FRMD4B: variants seen among roughly 807,000 people sequenced by gnomAD.
FRMD4B encodes the protein FERM domain-containing protein 4B.
FRMD4B carries 74 observed loss-of-function variants against 141.5 expected under a neutral mutation model. That is an observed-to-expected ratio of 0.52 (90% CI 0.43 to 0.63). The LOEUF is 0.63. FRMD4B is among the 30% of genes least tolerant of loss of function. The pLI is 0.00. For synonymous variants in FRMD4B, 506 were observed against 467.9 expected (o/e 1.08, Z -1.05); for missense variants, 1,366 against 1,253.4 (o/e 1.09, Z -1.36).
chr3:69,236,833 T>C (rs1163676004), intron 7 of FRMD4B, among the ~76,000 whole-genome samples: 1 of 152,162 alleles, frequency 6.6e-6, no homozygotes, highest in Non-Finnish European at 1.5e-5. Flanking sequence ...GTCAATCATA[T>C]GCAAAAGCAG....
chr3:69,419,046 T>C (rs1418055043), intron 2 of FRMD4B, among the ~76,000 whole-genome samples: 1 of 152,034 alleles, frequency 6.6e-6, no homozygotes, highest in Non-Finnish European at 1.5e-5. Context: ...GATAGCAAAG[T>C]GCACTGGGAA....
chr3:69,290,946 C>T (rs78127537), intron 4 of FRMD4B, among the ~76,000 whole-genome samples: 4,403 of 152,196 alleles, frequency 0.029, 108 homozygotes, highest in East Asian at 0.11. Context: ...TAATTGTGGG[C>T]GTCTCAACCA....
rs1348066805 is a variant in FRMD4B at position 69,345,067 on chromosome 3, C to G, written c.163-31550G>C. Among the ~76,000 whole-genome samples, 17 of 152,034 alleles carry G rather than the reference C, an allele frequency of 1.1e-4. 1 individual carries two copies. Among genetic ancestry groups the G allele is most frequent in the Non-Finnish European group, 1.5e-5 (1 of 68,022 alleles). ...GCCTCACCTGGGAAGCACAAGGGGT[C>G]AGGGAATTCCCTTTCCTAGCAAAGT... On this transcript the variant is annotated intron_variant, in intron 1 of 22. Coordinates refer to ENST00000398540, the MANE Select transcript of FRMD4B (RefSeq NM_015123.3).
chr3:69,389,604 T>A (rs1704338422), upstream of FRMD4B, among the ~76,000 whole-genome samples: 1 of 152,226 alleles, frequency 6.6e-6, no homozygotes, highest in Non-Finnish European at 1.5e-5. Flanking sequence ...TAAACACTGA[T>A]GCTTTTTTTC....
chr3:69,502,628 A>G, intron 1 of FRMD4B, among the ~76,000 whole-genome samples: 1 of 152,216 alleles, frequency 6.6e-6, no homozygotes. Context: ...ATCGGCAAGG[A>G]CTTCATGTCT....
intron 8 of FRMD4B, among the ~76,000 whole-genome samples, chr3:69,223,216 T>TA (rs968710642): frequency 6.6e-5 from 10 of 151,986 alleles, no homozygotes; most frequent in Admixed American, 2.0e-4. Context: ...TCTTTTTTTT[T>TA]AATTAAAAAA....
At chr3:69,492,960 C>T (rs2107030149) in intron 1 of FRMD4B, among the ~76,000 whole-genome samples, 1 of 152,288 alleles carries the variant, frequency 6.6e-6, no homozygotes, top group South Asian at 2.1e-4. Context: ...TAATTCTCAG[C>T]AACCATCTCT....
At chr3:69,184,084 T>C (rs1166876836) in intron 19 of FRMD4B, among the ~76,000 whole-genome samples, 1 of 151,892 alleles carries the variant, frequency 6.6e-6, no homozygotes, top group Non-Finnish European at 1.5e-5. Context: ...TTTATTTTTT[T>C]TATTTTTAGT....
At chr3:69,508,155 A>G (rs1706629582) in intron 1 of FRMD4B, among the ~76,000 whole-genome samples, 1 of 152,214 alleles carries the variant, frequency 6.6e-6, no homozygotes, top group Non-Finnish European at 1.5e-5. Flanking sequence ...TTTCTCCTGA[A>G]CATATTTCTC....
intron 1 of FRMD4B, among the ~76,000 whole-genome samples, chr3:69,335,691 A>G (rs551116275): frequency 4.0e-5 from 6 of 150,806 alleles, no homozygotes; most frequent in African/African-American, 1.5e-4. Flanking sequence ...AATGTTAATA[A>G]CACAGATATA....
intron 1 of FRMD4B, among the ~76,000 whole-genome samples, chr3:69,499,147 C>A (rs778929711): frequency 1.3e-5 from 2 of 152,134 alleles, no homozygotes; most frequent in Non-Finnish European, 2.9e-5. Flanking sequence ...ACTTGGCAGA[C>A]TTTACAACAG....
intron 5 of FRMD4B, among the ~76,000 whole-genome samples, chr3:69,262,943 C>A (rs1421700604): frequency 6.6e-6 from 1 of 152,034 alleles, no homozygotes; most frequent in African/African-American, 2.4e-5. Flanking sequence ...TCAAAGTCAG[C>A]CCAAACTAAG....
chr3:69,499,577 A>G (rs1309841577), intron 1 of FRMD4B, among the ~76,000 whole-genome samples: 1 of 152,214 alleles, frequency 6.6e-6, no homozygotes, highest in Non-Finnish European at 1.5e-5. Flanking sequence ...CTTTATACTG[A>G]TGATGCAATC....
At chr3:69,189,711 G>T (rs114260280) in intron 18 of FRMD4B, among the ~76,000 whole-genome samples, 185 bp downstream of exon 18, 221 of 152,252 alleles carry the variant, frequency 1.5e-3, no homozygotes, top group African/African-American at 5.2e-3. Context: ...TGTTATTAAC[G>T]CTGAGTTAAC....
At chr3:69,478,995 A>G (rs1392568349) in intron 1 of FRMD4B, among the ~76,000 whole-genome samples, 1 of 124,486 alleles carries the variant, frequency 8.0e-6, no homozygotes, top group Non-Finnish European at 1.6e-5. Context: ...TTGTTGGTTT[A>G]AAGTCTGTTT....
intron 22 of FRMD4B, among the ~76,000 whole-genome samples, chr3:69,173,876 C>T (rs1224415151): frequency 6.6e-6 from 1 of 152,178 alleles, no homozygotes; most frequent in African/African-American, 2.4e-5. Context: ...CCGTGGGTTA[C>T]ACCTGTAATC....
chr3:69,175,731 C>A (rs930682011), intron 22 of FRMD4B, among the ~76,000 whole-genome samples: 5 of 150,172 alleles, frequency 3.3e-5, no homozygotes, highest in African/African-American at 1.2e-4. Context: ...GAACAGAATG[C>A]GTTAGATGAG....
chr3:69,262,337 G>A (rs1286320997), intron 5 of FRMD4B, among the ~76,000 whole-genome samples: 1 of 151,784 alleles, frequency 6.6e-6, no homozygotes, highest in East Asian at 1.9e-4. Flanking sequence ...CTATGGCTCA[G>A]CAATTTTCTC....
chr3:69,212,660 T>G (rs1419353063), intron 11 of FRMD4B, among the ~76,000 whole-genome samples: 1 of 152,240 alleles, frequency 6.6e-6, no homozygotes, highest in Non-Finnish European at 1.5e-5. Context: ...CAATATTTAC[T>G]GTGCAGATTC....
Sources: allele counts gnomAD v4.1 joint callset (sites outside exome capture counted in the v4.1 genomes callset), GRCh38; gene constraint gnomAD v4.1.1; transcripts MANE v1.5; gene names NCBI Gene and HGNC (gene_info 2026-07-23, HGNC 2026-07-21).